TBCA: variants seen among roughly 807,000 people sequenced by gnomAD.
The protein encoded by TBCA is tubulin-specific chaperone A.
A neutral mutation model predicts 15.8 loss-of-function variants in TBCA; 6 were observed. The ratio of observed to expected loss-of-function variants is 0.38; its 90% CI spans 0.21 to 0.75. TBCA has a LOEUF of 0.75. Among genes scored for constraint, TBCA ranks in the 30% least tolerant of loss-of-function variants. The pLI is 0.46. For synonymous variants in TBCA, 32 were observed against 42.3 expected (o/e 0.76, Z 0.94); for missense variants, 90 against 131.2 (o/e 0.69, Z 1.53).
In TBCA at chr5:77,719,738, T is replaced by C. The variant is rs200839243; in HGVS notation, c.54-11391A>G. On this transcript the variant is annotated intron_variant, in intron 1 of 3. Transcript: ENST00000380377. ...ATTAATAAATGAATAAATCTTAGAA[T>C]GAAAATTCAAAAAACACAAATATAA... Among the ~76,000 whole-genome samples, 4 of 152,272 alleles carry C rather than the reference T, an allele frequency of 2.6e-5. No individual in the cohort carries two copies. The East Asian group carries it at 7.7e-4, about 29-fold the overall frequency.
rs944263355 is a variant in TBCA at position 77,691,227 on chromosome 5, TATAAA to T, written c.*186_*190del. The T allele has an allele frequency of 4.0e-5, 23 of 576,546 alleles. No individual in the cohort carries two copies. In the South Asian group the frequency reaches 5.1e-4, roughly 13 times the overall value. 35.7% of individuals were successfully genotyped at this position (576,546 alleles called of 1,614,324 possible). A position where few individuals can be genotyped will look rare whatever the true frequency, so the allele number is the denominator to read the frequency against. ...AGGTTAATTTAAAAATTTTGTAAAG[TATAAA>T]ATAAACAATTTTATTAGATGAACTC... On this transcript the variant is annotated 3_prime_UTR_variant, in exon 4 of 4. Coordinates refer to ENST00000380377, the MANE Select transcript of TBCA (RefSeq NM_004607.3).
intron 1 of TBCA, among the ~76,000 whole-genome samples, chr5:77,774,805 T>C (rs1170956384): frequency 6.6e-6 from 1 of 152,074 alleles, no homozygotes; most frequent in African/African-American, 2.4e-5. Context: ...TCAGGTACTT[T>C]CTTGGTTTAC....
intron 1 of TBCA, among the ~76,000 whole-genome samples, chr5:77,726,534 A>G (rs1463228093): frequency 2.0e-5 from 3 of 152,220 alleles, no homozygotes; most frequent in Non-Finnish European, 4.4e-5. Context: ...GAAAACCTCT[A>G]TTAAAAAAAT....
chr5:77,707,696 T>G (rs990262696), intron 2 of TBCA, among the ~76,000 whole-genome samples: 2 of 152,196 alleles, frequency 1.3e-5, no homozygotes, highest in Non-Finnish European at 1.5e-5. Context: ...CAATGCGTAT[T>G]TTATTTTTGT....
At chr5:77,763,239 G>A (rs976996643) in intron 1 of TBCA, among the ~76,000 whole-genome samples, 14 of 151,852 alleles carry the variant, frequency 9.2e-5, no homozygotes, top group African/African-American at 2.7e-4. Flanking sequence ...GCAAGACTCC[G>A]TCTCAAAAAA....
chr5:77,693,997 C>G (rs1745817708), intron 2 of TBCA, among the ~76,000 whole-genome samples: 1 of 152,094 alleles, frequency 6.6e-6, no homozygotes, highest in Non-Finnish European at 1.5e-5. Context: ...TGTTGCAAAG[C>G]ACCTTTATCT....
intron 1 of TBCA, among the ~76,000 whole-genome samples, chr5:77,768,922 A>G (rs139074017): frequency 2.0e-5 from 3 of 152,228 alleles, no homozygotes; most frequent in Non-Finnish European, 4.4e-5. Flanking sequence ...CAGATTTTCA[A>G]AATTTCCAAC....
intron 2 of TBCA, among the ~76,000 whole-genome samples, chr5:77,700,715 T>G (rs1745991991): frequency 6.6e-6 from 1 of 152,178 alleles, no homozygotes; most frequent in Non-Finnish European, 1.5e-5. Flanking sequence ...CAGGCTTTTA[T>G]CCTATGGAAA....
intron 1 of TBCA, among the ~76,000 whole-genome samples, chr5:77,722,931 T>C (rs1168364012): frequency 6.6e-6 from 1 of 151,850 alleles, no homozygotes; most frequent in Non-Finnish European, 1.5e-5. Context: ...CTCTCTATGA[T>C]AGTATAATAT....
chr5:77,700,604 T>C (rs1001817840), intron 2 of TBCA, among the ~76,000 whole-genome samples: 2 of 152,210 alleles, frequency 1.3e-5, no homozygotes, highest in African/African-American at 4.8e-5. Flanking sequence ...AATTGAATCA[T>C]TGCTGGTGGG....
At chr5:77,713,298 A>G (rs1185331156) in intron 1 of TBCA, among the ~76,000 whole-genome samples, 1 of 152,164 alleles carries the variant, frequency 6.6e-6, no homozygotes, top group East Asian at 1.9e-4. Context: ...TGTCTCAAAA[A>G]ATATATAATA....
chr5:77,692,872 C>G, intron 3 of TBCA: 1 of 1,141,562 alleles, frequency 8.8e-7, no homozygotes, highest in Non-Finnish European at 1.1e-6. Flanking sequence ...AATTCAAGAT[C>G]CTTTTAATAA....
At chr5:77,748,336 T>C (rs1476517684) in intron 1 of TBCA, among the ~76,000 whole-genome samples, 1 of 151,516 alleles carries the variant, frequency 6.6e-6, no homozygotes, top group Non-Finnish European at 1.5e-5. Flanking sequence ...AATTACCACC[T>C]ACTTCTCTTG....
intron 1 of TBCA, among the ~76,000 whole-genome samples, chr5:77,771,738 G>A (rs1017546136): frequency 6.6e-6 from 1 of 152,088 alleles, no homozygotes; most frequent in Admixed American, 6.5e-5. Context: ...CATTCAACCT[G>A]CCTGTCCACA....
At position 77,716,951 on chromosome 5, in the gene TBCA, A is replaced by G. The variant is rs183902580; in HGVS notation, c.54-8604T>C. Among the ~76,000 whole-genome samples, 189 of 152,350 alleles carry G rather than the reference A, an allele frequency of 1.2e-3. 1 individual carries two copies. The highest frequency in any genetic ancestry group is 3.7e-3 in the Admixed American group (56 of 15,306). ...ATGACCCAACTCTGGCCAAAGCTAC[A>G]TAAGAGACATCTGCTGGGGGTTCTG... On this transcript the variant is annotated intron_variant, in intron 1 of 3. Coordinates refer to ENST00000380377, the MANE Select transcript of TBCA (RefSeq NM_004607.3).
intron 1 of TBCA, among the ~76,000 whole-genome samples, chr5:77,724,425 G>A (rs1001423938): frequency 6.6e-6 from 1 of 151,970 alleles, no homozygotes; most frequent in Non-Finnish European, 1.5e-5. Flanking sequence ...CATAAGATGA[G>A]TCCAGTTTTA....
At chr5:77,697,872 GTAATCCTA>G (rs1362445159) in intron 2 of TBCA, among the ~76,000 whole-genome samples, 2 of 152,118 alleles carry the variant, frequency 1.3e-5, no homozygotes, top group East Asian at 3.9e-4. Context: ...GCTCATGCCT[GTAATCCTA>G]ACACTTTGGG....
intron 1 of TBCA, among the ~76,000 whole-genome samples, chr5:77,751,783 C>T (rs1400988845): frequency 1.3e-5 from 2 of 152,158 alleles, no homozygotes; most frequent in Non-Finnish European, 2.9e-5. Context: ...TATTATTACT[C>T]AAATCAGTCT....
At chr5:77,769,971 G>T (rs1439511312) in intron 1 of TBCA, among the ~76,000 whole-genome samples, 1 of 152,130 alleles carries the variant, frequency 6.6e-6, no homozygotes, top group Non-Finnish European at 1.5e-5. Context: ...GTTATAAAAA[G>T]ATATATTTAA....
Sources: gnomAD v4.1 joint callset for allele counts (sites outside exome capture counted in the v4.1 genomes callset) on GRCh38, gnomAD v4.1.1 for gene constraint, MANE v1.5 for transcripts, NCBI Gene and HGNC (gene_info 2026-07-23, HGNC 2026-07-21) for gene names.